SLC31A1: variants seen among roughly 807,000 people sequenced by gnomAD.
The protein encoded by SLC31A1 is solute carrier family 31 member 1, also known as high affinity copper uptake protein 1.
A neutral mutation model predicts 17.2 loss-of-function variants in SLC31A1; 5 were observed. That is an observed-to-expected ratio of 0.29 (90% CI 0.15 to 0.61). The LOEUF is 0.61. Ranked by LOEUF, SLC31A1 falls within the 20% of genes least tolerant of loss-of-function variation. The pLI is 0.86. For synonymous variants in SLC31A1, 76 were observed against 78.8 expected (o/e 0.96, Z 0.19); for missense variants, 161 against 241.4 (o/e 0.67, Z 2.21).
intron 1 of SLC31A1, among the ~76,000 whole-genome samples, chr9:113,252,829 A>C (rs890650674): frequency 3.9e-5 from 6 of 151,994 alleles, no homozygotes; most frequent in Admixed American, 3.3e-4. Context: ...TGGTTTTCTT[A>C]TGCTATAATC....
At chr9:113,239,763 T>C (rs1831500921) in intron 1 of SLC31A1, among the ~76,000 whole-genome samples, 1 of 152,240 alleles carries the variant, frequency 6.6e-6, no homozygotes, top group South Asian at 2.1e-4. Context: ...TTTGTATTTT[T>C]AGTAGAGATG....
intron 1 of SLC31A1, among the ~76,000 whole-genome samples, chr9:113,254,299 A>G (rs532038515): frequency 6.6e-6 from 1 of 152,212 alleles, no homozygotes; most frequent in Admixed American, 6.5e-5. Flanking sequence ...TTCTCAGCTT[A>G]TTTCCTTCAC....
chr9:113,246,509 G>A (rs1484495659), intron 1 of SLC31A1, among the ~76,000 whole-genome samples: 1 of 151,178 alleles, frequency 6.6e-6, no homozygotes. Context: ...GTGCCACCAC[G>A]CCCGGCTAAT....
At chr9:113,238,316 A>G (rs939514393) in intron 1 of SLC31A1, among the ~76,000 whole-genome samples, 1 of 152,216 alleles carries the variant, frequency 6.6e-6, no homozygotes, top group Admixed American at 6.5e-5. Context: ...ACAACAAAGA[A>G]TTATCCAGTC....
In SLC31A1 at chr9:113,258,415, TA is replaced by T. The variant is rs563800474; in HGVS notation, c.203-277del. Among the ~76,000 whole-genome samples, 208 of 152,350 alleles carry T rather than the reference TA, an allele frequency of 1.4e-3. 1 individual carries two copies. Among genetic ancestry groups the T allele is most frequent in the Admixed American group, 5.1e-3 (78 of 15,304 alleles). ...ATTGTGTGTTTCAGTGTAACAAACC[TA>T]ATTTAATGATATCAAGCAGTCTGAC... On this transcript the variant is annotated intron_variant, in intron 3 of 4. Transcript: ENST00000374212. This position sits in a 1 kb window ranked among gnomAD's most constrained non-coding sequence, Gnocchi z 4.8.
intron 1 of SLC31A1, among the ~76,000 whole-genome samples, chr9:113,238,432 G>C (rs1587990208): frequency 1.3e-5 from 2 of 152,302 alleles, no homozygotes; most frequent in South Asian, 4.1e-4. Flanking sequence ...ACTCACTCTA[G>C]TGTGTTTTCA....
chr9:113,252,946 C>CTTTTTTTTTTTTTTTTTTTTTTTT (rs1282361795), intron 1 of SLC31A1, among the ~76,000 whole-genome samples: 2 of 113,708 alleles, frequency 1.8e-5, no homozygotes, highest in African/African-American at 7.1e-5. Context: ...CTTTTCTTTT[C>CTTTTTTTTTTTTTTTTTTTTTTTT]TTTTTTTCTT....
Position 113,258,849 on chromosome 9 carries a change from C to T in SLC31A1, c.358C>T (p.His120Tyr), listed in dbSNP as rs772098587. ...AAATGGAACCATCCTTATGGAGACA[C>T]ACAAAACTGTTGGGTAAGAACTGAA... is the stretch of plus-strand genomic sequence containing the variant. ...GPNGTILMET[H>Y]KTVGQQMLSF... Residue 120 changes from histidine (H) to tyrosine (Y), a missense_variant, in exon 4 of 5, where the codon CAC (histidine) becomes TAC (tyrosine). Coordinates refer to ENST00000374212, the MANE Select transcript of SLC31A1 (RefSeq NM_001859.4). This position sits in a 1 kb window ranked among gnomAD's most constrained non-coding sequence, Gnocchi z 4.8. 6.2e-7 allele frequency: 1 copy of T among 1,614,240 alleles called. No individual in the cohort carries two copies.
Position 113,234,164 on chromosome 9 carries a change from T to C in SLC31A1, c.-36+12486T>C, listed in dbSNP as rs117403788. Among the ~76,000 whole-genome samples the C allele has an allele frequency of 7.2e-5, 11 of 152,274 alleles. No homozygotes were observed. The East Asian group carries it at 1.7e-3, about 24-fold the overall frequency. ...GATCAACTTTTTTGGCTCCCACTTA[T>C]GACTGAGAACATGCAATATTTGTCT... On this transcript the variant is annotated intron_variant, in intron 1 of 4. Transcript: ENST00000374212.
chr9:113,234,480 A>ATTTTTTTTT (rs869088669), intron 1 of SLC31A1, among the ~76,000 whole-genome samples: 1 of 60,230 alleles, frequency 1.7e-5, no homozygotes, highest in Non-Finnish European at 3.0e-5. Flanking sequence ...CCTGGCCATC[A>ATTTTTTTTT]TTTTTTTTTT....
intron 1 of SLC31A1, among the ~76,000 whole-genome samples, chr9:113,225,932 G>A (rs543700530): frequency 2.0e-5 from 3 of 152,246 alleles, no homozygotes; most frequent in East Asian, 1.9e-4. Flanking sequence ...TCAGGAGTTC[G>A]AGACCAGCCT....
intron 1 of SLC31A1, among the ~76,000 whole-genome samples, chr9:113,221,978 C>T (rs1831281423): frequency 6.6e-6 from 1 of 152,170 alleles, no homozygotes; most frequent in Non-Finnish European, 1.5e-5. Flanking sequence ...GATTTCAATC[C>T]CGGCCTCCTC....
chr9:113,227,743 A>C (rs1004381443), intron 1 of SLC31A1: 2 of 152,256 alleles, frequency 1.3e-5, no homozygotes, highest in Non-Finnish European at 2.9e-5. Context: ...TTATCCAAAC[A>C]GTTTAAATGC....
intron 1 of SLC31A1, among the ~76,000 whole-genome samples, chr9:113,255,366 T>C (rs1452792008): frequency 6.6e-6 from 1 of 152,232 alleles, no homozygotes; most frequent in Non-Finnish European, 1.5e-5. Context: ...AAGAAGCTGC[T>C]TTCCTTCTCC....
chr9:113,235,849 C>G (rs1486735980), intron 1 of SLC31A1, among the ~76,000 whole-genome samples: 1 of 152,188 alleles, frequency 6.6e-6, no homozygotes, highest in East Asian at 1.9e-4. Context: ...AGGTGCCTCT[C>G]AGAGCAGATG....
rs561427500 is a variant in SLC31A1 at position 113,231,585 on chromosome 9, ATTAT to A, written c.-36+9915_-36+9918del. On this transcript the variant is annotated intron_variant, in intron 1 of 4. Coordinates refer to ENST00000374212, the MANE Select transcript of SLC31A1 (RefSeq NM_001859.4). ...TCTCAAAAAAAAAAAAAATGGGGAAATTATTTATTTAGTTATGCATTAGTGGTAG... is the reference window on the plus strand; with the variant it reads ...TCTCAAAAAAAAAAAAAATGGGGAAATTATTTAGTTATGCATTAGTGGTAG... Among the ~76,000 whole-genome samples, 107 of 152,054 alleles carry A rather than the reference ATTAT, an allele frequency of 7.0e-4. 1 individual carries two copies. The highest frequency in any genetic ancestry group is 2.5e-3 in the African/African-American group (104 of 41,474).
intron 1 of SLC31A1, among the ~76,000 whole-genome samples, chr9:113,252,009 T>C (rs1831659708): frequency 6.6e-6 from 1 of 152,252 alleles, no homozygotes; most frequent in African/African-American, 2.4e-5. Context: ...TTCTATCTCC[T>C]AGTATATTTG....
At chr9:113,255,533 C>T (rs1051065465) in intron 1 of SLC31A1, among the ~76,000 whole-genome samples, 4 of 151,928 alleles carry the variant, frequency 2.6e-5, no homozygotes, top group Non-Finnish European at 5.9e-5. Context: ...CTGGGCAACA[C>T]GAGACCTCAT....
chr9:113,234,438 A>G (rs1831433456), intron 1 of SLC31A1, among the ~76,000 whole-genome samples: 1 of 148,574 alleles, frequency 6.7e-6, no homozygotes, highest in Non-Finnish European at 1.5e-5. Flanking sequence ...CAGCCTCCCA[A>G]AGTGCTGGGA....
Sources: allele counts gnomAD v4.1 joint callset (sites outside exome capture counted in the v4.1 genomes callset), GRCh38; gene constraint gnomAD v4.1.1; non-coding constraint Gnocchi (gnomAD v3.1); transcripts MANE v1.5; gene names NCBI Gene and HGNC (gene_info 2026-07-23, HGNC 2026-07-21).